The following KIF6 variants were observed in gnomAD, a reference collection of about 807,000 sequenced individuals.
KIF6 encodes kinesin-like protein KIF6.
In KIF6, 106 loss-of-function variants were observed where a neutral mutation model predicts 112.7. The ratio of observed to expected loss-of-function variants is 0.94; its 90% CI spans 0.80 to 1.11. The LOEUF is 1.11. Among genes scored for constraint, KIF6 ranks in the 50% least tolerant of loss-of-function variants. The pLI is 0.00. For missense variants in KIF6, 929 were observed against 964.0 expected (o/e 0.96, Z 0.48); for synonymous variants, 339 against 339.9 (o/e 1.00, Z 0.03).
intron 3 of KIF6, chr6:39,690,484 G>A (rs1788133275): frequency 6.6e-6 from 1 of 152,380 alleles, no homozygotes; most frequent in African/African-American, 2.4e-5. Flanking sequence ...GGCCTGGACA[G>A]GGAGTGTCTA....
intron 19 of KIF6, among the ~76,000 whole-genome samples, chr6:39,352,972 C>T (rs934600513): frequency 9.9e-5 from 15 of 152,092 alleles, no homozygotes; most frequent in African/African-American, 3.4e-4. Flanking sequence ...TGGTGGCTTT[C>T]AGTTTTGGGC....
At chr6:39,391,324 T>A (rs1283788749) in intron 15 of KIF6, among the ~76,000 whole-genome samples, 2 of 152,184 alleles carry the variant, frequency 1.3e-5, no homozygotes, top group Admixed American at 6.5e-5. Context: ...TGTTTGAGGC[T>A]GCGGGTTGAA....
rs980388039 is a variant in KIF6, at chr6:39,331,823, T to C, written c.*4709A>G. Reference sequence around the variant, plus strand: ...CAGATGAATGAGACATGCTTATGTTTAAGGAATTACAAGGAGCATTTTTTC... The same window carrying C: ...CAGATGAATGAGACATGCTTATGTTCAAGGAATTACAAGGAGCATTTTTTC... On this transcript the variant is annotated 3_prime_UTR_variant, in exon 23 of 23. Coordinates refer to ENST00000287152, the MANE Select transcript of KIF6 (RefSeq NM_145027.6). The C allele has an allele frequency of 6.6e-6, 1 of 152,274 alleles. No individual in the cohort carries two copies. Among genetic ancestry groups the C allele is most frequent in the Non-Finnish European group, 1.5e-5 (1 of 68,040 alleles). The allele number at this position is 152,274 out of a possible 1,614,324, so 9.4% of individuals were successfully genotyped here.
At chr6:39,612,736 A>T (rs2150719465) in intron 6 of KIF6, among the ~76,000 whole-genome samples, 1 of 152,346 alleles carries the variant, frequency 6.6e-6, no homozygotes, top group East Asian at 1.9e-4. Flanking sequence ...AACTAAATGA[A>T]AACATATGGA....
chr6:39,476,250 G>A (rs1362709160), intron 13 of KIF6, among the ~76,000 whole-genome samples: 1 of 151,686 alleles, frequency 6.6e-6, no homozygotes, highest in African/African-American at 2.4e-5. Flanking sequence ...CAAGTACCAG[G>A]GCACCATGGA....
Position 39,397,756 on chromosome 6 carries a change from T to C in KIF6, c.1811-12084A>G, listed in dbSNP as rs138016938. 8.3e-3 allele frequency among the ~76,000 whole-genome samples: 973 copies of C among 116,932 alleles called. 6 individuals carry two copies. The highest frequency in any genetic ancestry group is 0.03 in the African/African-American group (922 of 30,668). The allele number at this position is 116,932 out of a possible 152,430, so 76.7% of individuals were successfully genotyped here. On this transcript the variant is annotated intron_variant, in intron 15 of 22. Coordinates refer to ENST00000287152, the MANE Select transcript of KIF6 (RefSeq NM_145027.6). ...GAGATGAGGGAAGCTGCAGTACACA[T>C]GGCCCGAGAACTACACTTCTTCAGC...
intron 1 of KIF6, among the ~76,000 whole-genome samples, chr6:39,721,794 T>A: frequency 7.1e-6 from 1 of 140,920 alleles, no homozygotes; most frequent in Non-Finnish European, 1.5e-5. Flanking sequence ...AAAAAAAAAG[T>A]CATTAGATTT....
At chr6:39,644,871 C>T (rs1463927463) in intron 3 of KIF6, among the ~76,000 whole-genome samples, 1 of 152,142 alleles carries the variant, frequency 6.6e-6, no homozygotes, top group Non-Finnish European at 1.5e-5. Flanking sequence ...AGAGTCTATA[C>T]TCACTTGCTA....
At chr6:39,605,465 A>G (rs1182093752) in intron 6 of KIF6, among the ~76,000 whole-genome samples, 1 of 152,106 alleles carries the variant, frequency 6.6e-6, no homozygotes, top group African/African-American at 2.4e-5. Flanking sequence ...TTTTATACAT[A>G]CTACATACCT....
At chr6:39,372,075 A>T (rs1766046720) in intron 16 of KIF6, among the ~76,000 whole-genome samples, 1 of 152,190 alleles carries the variant, frequency 6.6e-6, no homozygotes, top group Admixed American at 6.5e-5. Context: ...AGTTGGCCTG[A>T]GTTGGGGTAA....
chr6:39,381,826 C>T (rs986285988), intron 16 of KIF6, among the ~76,000 whole-genome samples: 1 of 152,218 alleles, frequency 6.6e-6, no homozygotes, highest in African/African-American at 2.4e-5. Flanking sequence ...AATTAGACTT[C>T]CAGCCAAAGT....
intron 16 of KIF6, among the ~76,000 whole-genome samples, chr6:39,380,811 C>T (rs971409635): frequency 6.6e-6 from 1 of 152,162 alleles, no homozygotes; most frequent in Admixed American, 6.5e-5. Context: ...ACAGTGGATA[C>T]AGATCACTTC....
At chr6:39,624,869 T>C (rs540470446) in intron 5 of KIF6, among the ~76,000 whole-genome samples, 17 of 152,340 alleles carry the variant, frequency 1.1e-4, no homozygotes, top group African/African-American at 1.9e-4. Context: ...AACATTTCTA[T>C]TATATGGATT....
intron 12 of KIF6, among the ~76,000 whole-genome samples, chr6:39,541,475 T>C (rs1484744693): frequency 1.3e-5 from 2 of 152,196 alleles, no homozygotes; most frequent in African/African-American, 4.8e-5. Flanking sequence ...CTTCCATTGG[T>C]TCACACACTG....
chr6:39,504,447 G>A (rs887642377), intron 13 of KIF6, among the ~76,000 whole-genome samples: 3 of 152,162 alleles, frequency 2.0e-5, no homozygotes, highest in Non-Finnish European at 2.9e-5. Flanking sequence ...ACAAGAGAAG[G>A]ATGTCCTCTG....
chr6:39,413,302 A>G (rs999193994), intron 15 of KIF6, among the ~76,000 whole-genome samples: 8 of 152,160 alleles, frequency 5.3e-5, no homozygotes, highest in African/African-American at 1.4e-4. Flanking sequence ...GATGTCTCCT[A>G]TTTCAGGCCA....
intron 13 of KIF6, among the ~76,000 whole-genome samples, chr6:39,480,688 G>A (rs963180927): frequency 2.0e-5 from 3 of 152,006 alleles, no homozygotes; most frequent in Non-Finnish European, 4.4e-5. Flanking sequence ...TCTGGTCCTG[G>A]GCTTTGTTGT....
At chr6:39,652,107 G>A (rs1051135071) in intron 3 of KIF6, among the ~76,000 whole-genome samples, 1 of 152,108 alleles carries the variant, frequency 6.6e-6, no homozygotes, top group Admixed American at 6.5e-5. Flanking sequence ...AAGAGATATA[G>A]GGAAAATAGA....
chr6:39,687,148 C>T (rs1438845615), intron 3 of KIF6, among the ~76,000 whole-genome samples: 3 of 152,096 alleles, frequency 2.0e-5, no homozygotes, highest in Middle Eastern at 3.4e-3. Flanking sequence ...AAAATGTGAC[C>T]GGTTACACCA....
Sources: allele counts gnomAD v4.1 joint callset (sites outside exome capture counted in the v4.1 genomes callset), GRCh38; gene constraint gnomAD v4.1.1; transcripts MANE v1.5; gene names NCBI Gene and HGNC (gene_info 2026-07-23, HGNC 2026-07-21).